The following GSDMC variants were observed in gnomAD, a reference collection of about 807,000 sequenced individuals.
GSDMC encodes gasdermin C.
Under a neutral mutation model 58.0 loss-of-function variants are expected in GSDMC, and 59 were observed. The observed-to-expected ratio is 1.02, with a 90% CI of 0.82 to 1.26. The LOEUF (loss-of-function observed/expected upper bound fraction) is 1.26, where lower values mean the gene tolerates loss of function less well. Ranked by LOEUF, GSDMC falls within the 50% of genes most tolerant of loss-of-function variation. GSDMC has a pLI of 0.00. For synonymous variants in GSDMC, 241 were observed against 220.2 expected (o/e 1.09, Z -0.83); for missense variants, 659 against 598.5 (o/e 1.10, Z -1.06).
At chr8:129,769,985 C>T (rs1429722256) in intron 3 of GSDMC, among the ~76,000 whole-genome samples, 1 of 152,110 alleles carries the variant, frequency 6.6e-6, no homozygotes, top group Non-Finnish European at 1.5e-5. Flanking sequence ...AATATATAAT[C>T]AGAGTCAGAA....
the GSDMC span, among the ~76,000 whole-genome samples, chr8:129,705,818 G>T: frequency 3.3e-5 from 5 of 152,152 alleles, no homozygotes; most frequent in African/African-American, 1.2e-4. Flanking sequence ...AGGGGGCATA[G>T]AATTTGTCTT....
rs954188634 is a variant in GSDMC, at chr8:129,776,217, C to G, written c.289G>C (p.Val97Leu). The G allele has an allele frequency of 6.2e-7, 1 of 1,613,598 alleles. No homozygotes were observed. Among genetic ancestry groups the G allele is most frequent in the African/African-American group, 1.3e-5 (1 of 74,898 alleles). The stretch of plus-strand genomic sequence containing the variant: ...ACACTCACTTCTATACCAACATTCA[C>G]ACCCATGTCAGCCTTATGCTTCTGG... ...MIQKHKADMGVNVGIEVSVSG... is the reference protein window; with the variant it reads ...MIQKHKADMGLNVGIEVSVSG... The change falls in exon 3 of 14, where the codon GTG becomes CTG. Residue 97 changes from valine (V) to leucine (L), a missense_variant. Val to Leu is a conservative substitution (Grantham distance 32). Transcript: ENST00000276708.
At chr8:129,770,862 A>G (rs940362138) in intron 3 of GSDMC, among the ~76,000 whole-genome samples, 2 of 152,054 alleles carry the variant, frequency 1.3e-5, no homozygotes, top group South Asian at 4.1e-4. Flanking sequence ...AGAAAGCAAG[A>G]TCCAATGACC....
chr8:129,721,089 A>G, the GSDMC span, among the ~76,000 whole-genome samples: 4 of 152,212 alleles, frequency 2.6e-5, no homozygotes, highest in Admixed American at 6.5e-5. Flanking sequence ...TGTTGGTTTC[A>G]CTTTTTCTTC....
the GSDMC span, among the ~76,000 whole-genome samples, chr8:129,720,261 T>C: frequency 1.3e-5 from 2 of 152,214 alleles, no homozygotes; most frequent in African/African-American, 2.4e-5. Context: ...CTTGTGATCA[T>C]CCTTTGTAGG....
chr8:129,736,905 C>G, the GSDMC span, among the ~76,000 whole-genome samples: 1 of 152,136 alleles, frequency 6.6e-6, no homozygotes, highest in Non-Finnish European at 1.5e-5. Flanking sequence ...CATCTTAGCC[C>G]AAAATCTCCT....
chr8:129,781,519 C>T (rs1586623756), intron 1 of GSDMC, among the ~76,000 whole-genome samples: 1 of 152,116 alleles, frequency 6.6e-6, no homozygotes, highest in African/African-American at 2.4e-5. Flanking sequence ...CCGAGACGGG[C>T]AGATCACGAG....
At chr8:129,766,621 T>G (rs2033869940) in intron 3 of GSDMC, among the ~76,000 whole-genome samples, 1 of 152,198 alleles carries the variant, frequency 6.6e-6, no homozygotes. Flanking sequence ...TTATCTTGGT[T>G]GTCTAAGCTT....
At chr8:129,771,002 C>G (rs999548477) in intron 3 of GSDMC, among the ~76,000 whole-genome samples, 2 of 150,214 alleles carry the variant, frequency 1.3e-5, no homozygotes, top group South Asian at 4.2e-4. Flanking sequence ...CAGACACACA[C>G]GCAGACACAT....
At chr8:129,736,583 C>G in the GSDMC span, among the ~76,000 whole-genome samples, 1 of 152,190 alleles carries the variant, frequency 6.6e-6, no homozygotes, top group Non-Finnish European at 1.5e-5. Context: ...CGACAAAATT[C>G]AACAGCCCAT....
Position 129,762,730 on chromosome 8 carries a change from C to T in GSDMC, c.572G>A (p.Gly191Asp). The change falls in exon 5 of 14, where the codon GGT becomes GAT. Residue 191 changes from glycine (G) to aspartate (D), a missense_variant and splice_region_variant. By Grantham distance (94) the Gly-to-Asp change is moderately conservative (BLOSUM62 -1). Transcript: ENST00000276708. Reference protein sequence around the residue: ...KIALWITYGKGQGQGESLRVK... With the variant: ...KIALWITYGKDQGQGESLRVK... Reference sequence around the variant, plus strand: ...TCTGAGACTCTCTCCTTGGCCTTGACCCTGGGGAGAGAAACCAGACAATAC... The same window carrying T: ...TCTGAGACTCTCTCCTTGGCCTTGATCCTGGGGAGAGAAACCAGACAATAC... The T allele has an allele frequency of 2.5e-6, 4 of 1,604,904 alleles. No homozygotes were observed. The highest frequency in any genetic ancestry group is 3.4e-6 in the Non-Finnish European group (4 of 1,171,532).
chr8:129,761,045 A>C lies in GSDMC; in HGVS notation c.677-456T>G, dbSNP rs28719495. 7.8e-3 allele frequency among the ~76,000 whole-genome samples: 1,186 copies of C among 152,332 alleles called. 12 individuals are homozygous for C. Among genetic ancestry groups the C allele is most frequent in the Non-Finnish European group, 0.013 (907 of 68,030 alleles). On this transcript the variant is annotated intron_variant, in intron 5 of 13. Coordinates refer to ENST00000276708, the MANE Select transcript of GSDMC (RefSeq NM_031415.3). ...ACAAAAAGTTGTATAAGGGTTGAAA[A>C]GTGTGAACTGAATGAAGTTAGAGGA...
rs372469967 is a variant in GSDMC at position 129,765,813 on chromosome 8, G to A, written c.405-20C>T. 138 of 1,608,586 alleles carry A rather than the reference G, an allele frequency of 8.6e-5. No homozygotes were observed. The highest frequency in any genetic ancestry group is 1.1e-4 in the Non-Finnish European group (133 of 1,176,966). ...AGTTTCCTGGGGATTTAAGGAAGGA[G>A]GACAAGAGTCAGAGTGGGAAAGTGA... On this transcript the variant is annotated intron_variant, in intron 3 of 13. Transcript: ENST00000276708.
At position 129,750,496 on chromosome 8, in the gene GSDMC, C is replaced by A; in HGVS notation, c.1018G>T (p.Val340Phe). 6.2e-7 allele frequency: 1 copy of A among 1,613,510 alleles called. No homozygotes were observed. Among genetic ancestry groups the A allele is most frequent in the Non-Finnish European group, 8.5e-7 (1 of 1,179,436 alleles). The change falls in exon 11 of 14, where the codon GTC (valine) becomes TTC (phenylalanine). Residue 340 changes from valine (V) to phenylalanine (F), a missense_variant. By Grantham distance (50) the Val-to-Phe change is conservative (BLOSUM62 -1). Coordinates refer to ENST00000276708, the MANE Select transcript of GSDMC (RefSeq NM_031415.3). ...LAQLSKDVQD[V>F]MFYSILAMLR... ...ATGGCCAGGATACTGTAGAACATGACATCCTGAACATCCTTTGAGAGCTGA... is the reference window on the plus strand; with the variant it reads ...ATGGCCAGGATACTGTAGAACATGAAATCCTGAACATCCTTTGAGAGCTGA...
At chr8:129,753,670 T>C (rs2033313281) in intron 6 of GSDMC, among the ~76,000 whole-genome samples, 1 of 152,208 alleles carries the variant, frequency 6.6e-6, no homozygotes, top group Non-Finnish European at 1.5e-5. Flanking sequence ...TCAGCCACAG[T>C]GGTGTAGTGC....
rs139885043 is a variant in GSDMC, at chr8:129,766,426, C to T, written c.405-633G>A. ...TTCAACCTTGATTCTACTCAAGGCA[C>T]CCATGGAGTCAGTGTCCTAGATAAC... On this transcript the variant is annotated intron_variant, in intron 3 of 13. Coordinates refer to ENST00000276708, the MANE Select transcript of GSDMC (RefSeq NM_031415.3). Among the ~76,000 whole-genome samples, 1,433 of 152,192 alleles carry T rather than the reference C, an allele frequency of 9.4e-3. 6 individuals are homozygous for T. Among genetic ancestry groups the T allele is most frequent in the Non-Finnish European group, 0.015 (1,005 of 67,980 alleles).
intron 1 of GSDMC, among the ~76,000 whole-genome samples, chr8:129,778,597 A>G (rs1325911007): frequency 6.6e-6 from 1 of 152,222 alleles, no homozygotes; most frequent in Non-Finnish European, 1.5e-5. Flanking sequence ...AATAAAAGCA[A>G]AAATTGATAA....
rs2033198411 is a variant in GSDMC at position 129,751,685 on chromosome 8, C to T, written c.917-117G>A. 4 of 1,118,272 alleles carry T rather than the reference C, an allele frequency of 3.6e-6. No homozygotes were observed. In the African/African-American group the frequency reaches 4.6e-5, roughly 13 times the overall value. 69.3% of individuals were successfully genotyped at this position (1,118,272 alleles called of 1,614,324 possible). Reference sequence around the variant, plus strand: ...CTCCCTCTTACTCAACTTCTTCCTGCCCCCATTCCCATTCATCCTCCATGT... The same window carrying T: ...CTCCCTCTTACTCAACTTCTTCCTGTCCCCATTCCCATTCATCCTCCATGT... On this transcript the variant is annotated intron_variant, in intron 9 of 13. Transcript: ENST00000276708.
chr8:129,774,758 G>T (rs1387147787), intron 3 of GSDMC, among the ~76,000 whole-genome samples: 1 of 152,050 alleles, frequency 6.6e-6, no homozygotes, highest in Non-Finnish European at 1.5e-5. Flanking sequence ...TTTAGAAAAT[G>T]GGCAAAGGAC....
Sources: allele counts gnomAD v4.1 joint callset (sites outside exome capture counted in the v4.1 genomes callset), GRCh38; gene constraint gnomAD v4.1.1; transcripts MANE v1.5; gene names NCBI Gene and HGNC (gene_info 2026-07-23, HGNC 2026-07-21).